Variants in SLC35F3 observed in about 807,000 individuals in gnomAD.
SLC35F3 encodes the protein putative thiamine transporter SLC35F3.
A neutral mutation model predicts 49.9 loss-of-function variants in SLC35F3; 25 were observed. The ratio of observed to expected loss-of-function variants is 0.50; its 90% confidence interval spans 0.37 to 0.70. The LOEUF is 0.70. Ranked by LOEUF, SLC35F3 falls within the 30% of genes least tolerant of loss-of-function variation. The probability of loss-of-function intolerance (pLI) is 0.00; values close to 1 mark genes in which losing one functional copy is unlikely to be tolerated. For synonymous variants in SLC35F3, 275 were observed against 265.4 expected (o/e 1.04, Z -0.35); for missense variants, 525 against 639.8 (o/e 0.82, Z 1.94).
chr1:233,973,159 C>A (rs1019163747), intron 2 of SLC35F3, among the ~76,000 whole-genome samples: 1 of 152,244 alleles, frequency 6.6e-6, no homozygotes, highest in East Asian at 1.9e-4. Flanking sequence ...CACATGGCTC[C>A]CATGTCCCCT....
At chr1:234,235,265 G>A (rs1305300917) in intron 3 of SLC35F3, among the ~76,000 whole-genome samples, 1 of 152,194 alleles carries the variant, frequency 6.6e-6, no homozygotes, top group Non-Finnish European at 1.5e-5. Context: ...ATGATAGGCA[G>A]CCCAACCCTT....
chr1:234,117,584 C>G lies in SLC35F3; in HGVS notation c.284-113833C>G, dbSNP rs550610881. 1.0e-4 allele frequency among the ~76,000 whole-genome samples: 12 copies of G among 116,242 alleles called. No homozygotes were observed. In the South Asian group the frequency reaches 4.1e-3, roughly 40 times the overall value. The allele number at this position is 116,242 out of a possible 152,430, so 76.3% of individuals were successfully genotyped here. On this transcript the variant is annotated intron_variant, in intron 2 of 7. Coordinates refer to ENST00000366618, the MANE Select transcript of SLC35F3 (RefSeq NM_173508.4). ...TCCAGCCTGGGTGACAGAGTGAGAC[C>G]CTGTCTAAAAAAAAAAAACAGGCTG...
At chr1:234,196,809 G>T (rs1666820539) in intron 2 of SLC35F3, among the ~76,000 whole-genome samples, 2 of 152,228 alleles carry the variant, frequency 1.3e-5, no homozygotes, top group Admixed American at 1.3e-4. Context: ...AGGCGTGGTG[G>T]CACATGCCTG....
At chr1:233,927,138 A>T (rs1444379335) in intron 2 of SLC35F3, among the ~76,000 whole-genome samples, 1 of 152,168 alleles carries the variant, frequency 6.6e-6, no homozygotes, top group African/African-American at 2.4e-5. Context: ...GCTGTATCAC[A>T]GTTTATTCAT....
chr1:234,190,606 A>G (rs1228805855), intron 2 of SLC35F3, among the ~76,000 whole-genome samples: 1 of 152,210 alleles, frequency 6.6e-6, no homozygotes, highest in African/African-American at 2.4e-5. Flanking sequence ...GGATAGCAAC[A>G]CAATAATAGT....
At chr1:233,955,904 T>TTTTC (rs1662692440) in intron 2 of SLC35F3, among the ~76,000 whole-genome samples, 1 of 145,872 alleles carries the variant, frequency 6.9e-6, no homozygotes, top group Non-Finnish European at 1.5e-5. Context: ...TTTTTTTTTT[T>TTTTC]TGAGTTGGTG....
At chr1:234,234,888 T>A (rs1387702531) in intron 3 of SLC35F3, among the ~76,000 whole-genome samples, 2 of 152,222 alleles carry the variant, frequency 1.3e-5, no homozygotes, top group Non-Finnish European at 2.9e-5. Context: ...CTATACACTG[T>A]AACATGCTGT....
chr1:234,182,693 C>T (rs949812079), intron 2 of SLC35F3, among the ~76,000 whole-genome samples: 9 of 152,150 alleles, frequency 5.9e-5, no homozygotes, highest in African/African-American at 9.7e-5. Context: ...CAGCAATGAC[C>T]GACAGTGCCC....
intron 2 of SLC35F3, among the ~76,000 whole-genome samples, chr1:233,939,154 A>G (rs1451982171): frequency 6.6e-6 from 1 of 152,234 alleles, no homozygotes; most frequent in Non-Finnish European, 1.5e-5. Flanking sequence ...AGATACTGGT[A>G]TAGTTAAGTA....
At chr1:233,991,893 G>A (rs1158767724) in intron 2 of SLC35F3, among the ~76,000 whole-genome samples, 1 of 152,010 alleles carries the variant, frequency 6.6e-6, no homozygotes, top group Non-Finnish European at 1.5e-5. Flanking sequence ...CCAAAATCAA[G>A]TTGAATAAAA....
chr1:234,068,589 C>A (rs1181417661), intron 2 of SLC35F3, among the ~76,000 whole-genome samples: 1 of 151,654 alleles, frequency 6.6e-6, no homozygotes, highest in Non-Finnish European at 1.5e-5. Flanking sequence ...CAAATAGGAA[C>A]TATAATAGAA....
intron 2 of SLC35F3, among the ~76,000 whole-genome samples, chr1:234,096,885 C>CTT (rs34404610): frequency 1.1e-4 from 14 of 132,094 alleles, no homozygotes; most frequent in South Asian, 4.9e-4. Flanking sequence ...TTGTTAAATT[C>CTT]TTTTTTTTTT....
chr1:234,104,693 A>G (rs948643373), intron 2 of SLC35F3, among the ~76,000 whole-genome samples: 6 of 152,240 alleles, frequency 3.9e-5, no homozygotes, highest in African/African-American at 1.4e-4. Context: ...AGAGTGGTGC[A>G]TCTCAAAAAA....
At chr1:234,195,910 A>C (rs1394885923) in intron 2 of SLC35F3, among the ~76,000 whole-genome samples, 1 of 152,212 alleles carries the variant, frequency 6.6e-6, no homozygotes, top group Non-Finnish European at 1.5e-5. Flanking sequence ...GTCTGCCACC[A>C]TGTAAGACAT....
intron 2 of SLC35F3, among the ~76,000 whole-genome samples, chr1:234,066,668 A>G (rs1440044537): frequency 6.6e-6 from 1 of 152,032 alleles, no homozygotes; most frequent in Non-Finnish European, 1.5e-5. Context: ...CTCAAATAGA[A>G]GTTGGACGAG....
intron 2 of SLC35F3, among the ~76,000 whole-genome samples, chr1:234,081,865 G>A (rs1664881141): frequency 7.1e-6 from 1 of 141,022 alleles, no homozygotes; most frequent in African/African-American, 2.6e-5. Flanking sequence ...AGCCTTCAGA[G>A]TAACTGGGAC....
intron 3 of SLC35F3, among the ~76,000 whole-genome samples, chr1:234,295,753 C>T (rs936997334): frequency 6.6e-6 from 1 of 152,154 alleles, no homozygotes; most frequent in African/African-American, 2.4e-5. Flanking sequence ...AATAAATAAC[C>T]ACCCCTGAGG....
At chr1:234,280,279 C>G (rs1250126322) in intron 3 of SLC35F3, among the ~76,000 whole-genome samples, 1 of 152,228 alleles carries the variant, frequency 6.6e-6, no homozygotes, top group Admixed American at 6.5e-5. Flanking sequence ...AATAGGCTTC[C>G]TCCTAAACTT....
At chr1:234,163,335 G>A (rs1035440578) in intron 2 of SLC35F3, among the ~76,000 whole-genome samples, 5 of 152,190 alleles carry the variant, frequency 3.3e-5, no homozygotes, top group Non-Finnish European at 7.3e-5. Flanking sequence ...CTGAGTGTTA[G>A]GGAGAAAGAG....
Sources: gnomAD v4.1 joint callset for allele counts (sites outside exome capture counted in the v4.1 genomes callset) on GRCh38, gnomAD v4.1.1 for gene constraint, MANE v1.5 for transcripts, NCBI Gene and HGNC (gene_info 2026-07-23, HGNC 2026-07-21) for gene names.